The following NR3C1 variants were observed in gnomAD, a reference collection of about 807,000 sequenced individuals.
The protein encoded by NR3C1 is nuclear receptor subfamily 3 group C member 1, also known as glucocorticoid receptor.
A neutral mutation model predicts 74.0 loss-of-function variants in NR3C1; 14 were observed. That is an observed-to-expected ratio of 0.19 (90% confidence interval 0.12 to 0.30). NR3C1 has a LOEUF of 0.30. Ranked by LOEUF, NR3C1 falls within the 10% of genes least tolerant of loss-of-function variation. The probability of loss-of-function intolerance (pLI) is 1.00; values close to 1 mark genes in which losing one functional copy is unlikely to be tolerated. For synonymous variants in NR3C1, 308 were observed against 332.5 expected (o/e 0.93, Z 0.80); for missense variants, 695 against 909.8 (o/e 0.76, Z 3.04).
intron 2 of NR3C1, among the ~76,000 whole-genome samples, chr5:143,340,983 C>T (rs1048295019): frequency 6.6e-6 from 1 of 152,098 alleles, no homozygotes; most frequent in African/African-American, 2.4e-5. Context: ...TCCTCCCACC[C>T]TCAGTACCAG....
In NR3C1 at chr5:143,403,618, C is replaced by G; in HGVS notation, c.-421G>C. 2.0e-6 allele frequency: 2 copies of G among 986,394 alleles called. No individual in the cohort carries two copies. The highest frequency in any genetic ancestry group is 2.4e-6 in the Non-Finnish European group (2 of 830,788). The allele number at this position is 986,394 out of a possible 1,614,324, so 61.1% of individuals were successfully genotyped here. Reference sequence around the variant, plus strand: ...AGGCGGCGGCGGAGGGAAGAGAGCGCGGACACGCGAAAGGGCAGCCCGGCC... The same window carrying G: ...AGGCGGCGGCGGAGGGAAGAGAGCGGGGACACGCGAAAGGGCAGCCCGGCC... On this transcript the variant is annotated 5_prime_UTR_variant, in exon 1 of 9. Transcript: ENST00000394464.
At chr5:143,352,827 G>A (rs1369016273) in intron 2 of NR3C1, among the ~76,000 whole-genome samples, 1 of 152,178 alleles carries the variant, frequency 6.6e-6, no homozygotes, top group Non-Finnish European at 1.5e-5. Flanking sequence ...GTTGATGCCT[G>A]CTGACTGATC....
At chr5:143,332,519 ACCTGCACAT>A in intron 2 of NR3C1, 2 of 626,150 alleles carry the variant, frequency 3.2e-6, no homozygotes, top group Non-Finnish European at 2.7e-6. Context: ...TACCTATGTA[ACCTGCACAT>A]CCTGCACATG....
upstream of NR3C1, chr5:143,403,796 G>C: frequency 1.0e-6 from 1 of 979,214 alleles, no homozygotes; most frequent in Non-Finnish European, 1.2e-6. Flanking sequence ...TGTTGGTGAC[G>C]CTTGGCAACT....
At chr5:143,319,169 A>C (rs369775792) in intron 2 of NR3C1, among the ~76,000 whole-genome samples, 1 of 152,202 alleles carries the variant, frequency 6.6e-6, no homozygotes, top group Non-Finnish European at 1.5e-5. Context: ...CTAATTCTAC[A>C]ATGTAATAGC....
At position 143,332,503 on chromosome 5, in the gene NR3C1, CAT is replaced by C. The variant is rs1178700667; in HGVS notation, c.1185-18337_1185-18336del. ...TAGGTACAGCAAACCACCATGGCCA[CAT>C]GTTTACCTATGTAACCTGCACATCC... On this transcript the variant is annotated intron_variant, in intron 2 of 8. Coordinates refer to ENST00000394464, the MANE Select transcript of NR3C1 (RefSeq NM_000176.3). The C allele has an allele frequency of 6.5e-5, 38 of 589,122 alleles. No individual in the cohort carries two copies. In the Admixed American group the frequency reaches 1.1e-3, roughly 17 times the overall value. The allele number at this position is 589,122 out of a possible 1,614,324, so 36.5% of individuals were successfully genotyped here. A position where few individuals can be genotyped will look rare whatever the true frequency, so the allele number is the denominator to read the frequency against.
chr5:143,388,487 G>A (rs1396387128), intron 2 of NR3C1, among the ~76,000 whole-genome samples: 1 of 152,210 alleles, frequency 6.6e-6, no homozygotes, highest in Non-Finnish European at 1.5e-5. Context: ...TCTAGACGCT[G>A]GCATACAGGA....
At chr5:143,303,066 C>A (rs1338006071) in intron 4 of NR3C1, among the ~76,000 whole-genome samples, 1 of 151,814 alleles carries the variant, frequency 6.6e-6, no homozygotes, top group Non-Finnish European at 1.5e-5. Flanking sequence ...AGAGTGAAGA[C>A]CCAAATAAGC....
intron 2 of NR3C1, among the ~76,000 whole-genome samples, chr5:143,338,470 TGG>T (rs1227586601): frequency 6.6e-6 from 1 of 151,982 alleles, no homozygotes; most frequent in African/African-American, 2.4e-5. Context: ...GGCCTTCCAG[TGG>T]GATAACATGT....
At chr5:143,397,222 G>C (rs566057054) in intron 2 of NR3C1, among the ~76,000 whole-genome samples, 1 of 151,780 alleles carries the variant, frequency 6.6e-6, no homozygotes, top group Non-Finnish European at 1.5e-5. Flanking sequence ...ATTTTAAAAA[G>C]TCAAATTGCA....
At chr5:143,376,885 G>A (rs1480092237) in intron 2 of NR3C1, among the ~76,000 whole-genome samples, 1 of 152,292 alleles carries the variant, frequency 6.6e-6, no homozygotes, top group East Asian at 1.9e-4. Flanking sequence ...ATAAGGTGCG[G>A]TGGAGGACTG....
intron 7 of NR3C1, among the ~76,000 whole-genome samples, chr5:143,289,620 C>G (rs1287184312): frequency 6.6e-6 from 1 of 152,054 alleles, no homozygotes; most frequent in African/African-American, 2.4e-5. Context: ...TTAAAGAAAA[C>G]ATGCAAAACA....
At chr5:143,423,507 C>A in intron 1 of NR3C1, among the ~76,000 whole-genome samples, 1 of 151,902 alleles carries the variant, frequency 6.6e-6, no homozygotes, top group Non-Finnish European at 1.5e-5. Flanking sequence ...TTGGTGGGAA[C>A]GTAAATTAGT....
intron 1 of NR3C1, among the ~76,000 whole-genome samples, chr5:143,433,475 A>AATTATATATATATAATTTATTTAT (rs1751970054): frequency 3.1e-5 from 4 of 130,776 alleles, no homozygotes; most frequent in Admixed American, 7.4e-5. Context: ...TATATATTTA[A>AATTATATATATATAATTTATTTAT]TTTCATCTTG....
At chr5:143,411,905 A>G (rs572616485) in intron 1 of NR3C1, among the ~76,000 whole-genome samples, 4 of 152,168 alleles carry the variant, frequency 2.6e-5, no homozygotes, top group African/African-American at 9.6e-5. Context: ...ACATTGGCCC[A>G]AGGAAAGATG....
intron 2 of NR3C1, among the ~76,000 whole-genome samples, chr5:143,325,255 A>G (rs751574497): frequency 9.2e-5 from 14 of 152,216 alleles, no homozygotes; most frequent in Non-Finnish European, 1.9e-4. Context: ...GGCGGGAGGC[A>G]AAAGGTACTT....
intron 7 of NR3C1, among the ~76,000 whole-genome samples, chr5:143,290,285 T>C (rs796645552): frequency 6.6e-5 from 10 of 152,350 alleles, no homozygotes; most frequent in East Asian, 1.9e-4. Context: ...TAAAGTTTTA[T>C]TGGAACACAG....
intron 6 of NR3C1, among the ~76,000 whole-genome samples, chr5:143,297,638 TCTC>T (rs1318712129): frequency 3.3e-5 from 5 of 152,188 alleles, no homozygotes; most frequent in African/African-American, 1.2e-4. Flanking sequence ...CAAACAGAAA[TCTC>T]CTTCATTTTT....
chr5:143,347,493 C>G (rs1390354568), intron 2 of NR3C1, among the ~76,000 whole-genome samples: 3 of 152,192 alleles, frequency 2.0e-5, no homozygotes, highest in Non-Finnish European at 4.4e-5. Flanking sequence ...GTAAATCCCA[C>G]TTAAAGTACA....
Sources: gnomAD v4.1 joint callset for allele counts (sites outside exome capture counted in the v4.1 genomes callset) on GRCh38, gnomAD v4.1.1 for gene constraint, MANE v1.5 for transcripts, NCBI Gene and HGNC (gene_info 2026-07-23, HGNC 2026-07-21) for gene names.